Variants in EPHB4 observed in about 807,000 individuals in gnomAD.
EPHB4 encodes ephrin type-B receptor 4.
A neutral mutation model predicts 110.6 loss-of-function variants in EPHB4; 50 were observed. The ratio of observed to expected loss-of-function variants is 0.45; its 90% CI spans 0.36 to 0.57. The LOEUF is 0.57. Ranked by LOEUF, EPHB4 falls within the 20% of genes least tolerant of loss-of-function variation. EPHB4 has a pLI of 0.00. For missense variants in EPHB4, 1,128 were observed against 1,382.1 expected, an observed-to-expected ratio of 0.82 and a Z score of 2.91; for synonymous variants, 592 against 578.4, an observed-to-expected ratio of 1.02 and a Z score of -0.34.
At chr7:100,824,044 G>C (rs899074532) in intron 2 of EPHB4, 113 bp from the exon 3 acceptor site, 7 of 1,514,454 alleles carry the variant, frequency 4.6e-6, no homozygotes, top group Middle Eastern at 4.5e-4. Flanking sequence ...CTGGTACTGC[G>C]AGGAGGGCGC....
chr7:100,820,237 C>T lies in EPHB4; in HGVS notation c.868G>A (p.Ala290Thr). 6.2e-7 allele frequency: 1 copy of T among 1,614,082 alleles called. No individual in the cohort carries two copies. Among genetic ancestry groups the T allele is most frequent in the South Asian group, 1.1e-5 (1 of 91,084 alleles). ...SGEGSCQPCP[A>T]NSHSNTIGSA... ...CCAATGGTGTTAGAGTGGCTATTGGCTGGGCATGGCTGGCAGGACCCTTCT... is the reference window on the plus strand; with the variant it reads ...CCAATGGTGTTAGAGTGGCTATTGGTTGGGCATGGCTGGCAGGACCCTTCT... The change falls in exon 5 of 17, where the codon GCC (alanine) becomes ACC (threonine). Residue 290 changes from alanine (A) to threonine (T), a missense_variant. This residue lies in a region of EPHB4 where 728 missense variants were observed against 828.6 expected (regional missense o/e 0.88). Coordinates refer to ENST00000358173, the MANE Select transcript of EPHB4 (RefSeq NM_004444.5).
intron 6 of EPHB4, 65 bp from the exon 7 acceptor site, chr7:100,818,709 A>AT (rs1253067136): frequency 4.8e-4 from 705 of 1,459,812 alleles, no homozygotes; most frequent in East Asian, 2.0e-3. Context: ...CTTAAAAAAA[A>AT]TTTTTTTTTT....
Position 100,806,640 on chromosome 7 carries a change from C to G in EPHB4, c.2335-71G>C, listed in dbSNP as rs552986260. On this transcript the variant is annotated intron_variant, in intron 13 of 16. Transcript: ENST00000358173. ...CTCACCAGACCCAGCACACTGCCCCCCAGTCCCCCACCTGCCTCTGCTTTT... is the reference window on the plus strand; with the variant it reads ...CTCACCAGACCCAGCACACTGCCCCGCAGTCCCCCACCTGCCTCTGCTTTT... The G allele has an allele frequency of 5.9e-6, 9 of 1,521,636 alleles. No homozygotes were observed. In the East Asian group the frequency reaches 1.6e-4, roughly 27 times the overall value. 94.3% of individuals were successfully genotyped at this position (1,521,636 alleles called of 1,614,324 possible).
chr7:100,812,772 T>C lies in EPHB4; in HGVS notation c.2093A>G (p.Asn698Ser), dbSNP rs369790197. The change falls in exon 12 of 17, where the codon AAC becomes AGC. Residue 698 changes from asparagine to serine, a missense_variant. Physicochemically the swap from Asn to Ser is conservative, Grantham distance 46 (BLOSUM62 1). Around this residue, in one of 3 missense-constraint regions of EPHB4, gnomAD observed 191 missense variants for 313.0 expected, o/e 0.61. Transcript: ENST00000358173. The part of the protein sequence containing the change: ...PVMILTEFME[N>S]GALDSFLRLN... ...CCGCAGGAAGGAGTCCAGGGCGCCG[T>C]TCTCCATGAACTCTGTGAGAATCAT... 1.9e-6 allele frequency: 3 copies of C among 1,613,994 alleles called. No homozygotes were observed. Among genetic ancestry groups the C allele is most frequent in the Non-Finnish European group, 2.5e-6 (3 of 1,180,014 alleles).
intron 8 of EPHB4, 52 bp from the exon 9 acceptor site, chr7:100,814,073 C>A: frequency 6.3e-7 from 1 of 1,592,956 alleles, no homozygotes; most frequent in Non-Finnish European, 8.6e-7. Flanking sequence ...CTGTAGGAGG[C>A]CCCAGCCCCG....
intron 14 of EPHB4, 135 bp downstream of exon 14, chr7:100,806,283 AAG>A: frequency 9.0e-7 from 1 of 1,109,596 alleles, no homozygotes; most frequent in East Asian, 2.7e-5. Context: ...CTTTGATACA[AAG>A]ATCAATTCTC....
At chr7:100,818,067 C>T (rs186813175) in intron 7 of EPHB4, among the ~76,000 whole-genome samples, 184 of 150,694 alleles carry the variant, frequency 1.2e-3, no homozygotes, top group African/African-American at 4.1e-3. Context: ...GGGGTTTCAC[C>T]GTGTTAGCCA....
rs1813256920 is a variant in EPHB4 at position 100,822,381 on chromosome 7, G to A, written c.698C>T (p.Pro233Leu). The change falls in exon 4 of 17, where the codon CCC (proline) becomes CTC (leucine). Residue 233 changes from proline (P) to leucine (L), a missense_variant. Physicochemically the swap from Pro to Leu is moderately conservative, Grantham distance 98. Around this residue, in one of 3 missense-constraint regions of EPHB4, gnomAD observed 728 missense variants for 828.6 expected, o/e 0.88. Transcript: ENST00000358173. This position sits in a 1 kb window ranked among gnomAD's most constrained non-coding sequence, Gnocchi z 4.7. ...CTCACGGCAGTAGAGGCTGGGGCTG[G>A]GGCCAGGGGCGGGGACGGCATCCAC... ...CVVDAVPAPG[P>L]SPSLYCREDG... The A allele has an allele frequency of 6.4e-7, 1 of 1,573,398 alleles. No homozygotes were observed. Among genetic ancestry groups the A allele is most frequent in the Non-Finnish European group, 8.6e-7 (1 of 1,158,494 alleles).
In EPHB4 at chr7:100,820,031, T is replaced by C. The variant is rs185372131; in HGVS notation, c.964+110A>G. ...TGTTCCTCCGGGCTAGGGACAAGCA[T>C]GCCAGGGACAAAGGGAAGAAGCCCA... On this transcript the variant is annotated intron_variant, in intron 5 of 16. Transcript: ENST00000358173. 964 of 1,519,442 alleles carry C rather than the reference T, an allele frequency of 6.3e-4. 1 individual carries two copies. The highest frequency in any genetic ancestry group is 1.8e-3 in the Admixed American group (87 of 48,774). The allele number at this position is 1,519,442 out of a possible 1,614,324, so 94.1% of individuals were successfully genotyped here.
rs781490021 is a variant in EPHB4, at chr7:100,819,816, G to T, written c.1038C>A (p.Pro346=). 48 of 1,561,008 alleles carry T rather than the reference G, an allele frequency of 3.1e-5. No individual in the cohort carries two copies. Among genetic ancestry groups the T allele is most frequent in the Non-Finnish European group, 3.8e-5 (44 of 1,153,000 alleles). Residue 346 remains proline, a synonymous_variant, in exon 6 of 17, where the codon CCC becomes CCA. Coordinates refer to ENST00000358173, the MANE Select transcript of EPHB4 (RefSeq NM_004444.5). ...GGTCCTCTCGGCCACCAGACTCCAG[G>T]GGGGCACTCCATTCCAGGTGCAGGG... ...GSSLHLEWSA[P]LESGGREDLT...
intron 4 of EPHB4, among the ~76,000 whole-genome samples, chr7:100,820,684 C>CCA (rs1296712044): frequency 3.3e-5 from 5 of 152,134 alleles, no homozygotes; most frequent in Non-Finnish European, 7.4e-5. Context: ...CCACAAAATA[C>CCA]ATAGGAATAC....
At chr7:100,807,325 G>C in intron 13 of EPHB4, 40 bp downstream of exon 13, 2 of 1,601,410 alleles carry the variant, frequency 1.2e-6, no homozygotes, top group Non-Finnish European at 1.7e-6. Flanking sequence ...TGCCCACCTG[G>C]CCCTAAGAAG....
chr7:100,812,661 C>T, intron 12 of EPHB4, 86 bp downstream of exon 12: 5 of 1,526,126 alleles, frequency 3.3e-6, no homozygotes, highest in East Asian at 2.3e-5. Flanking sequence ...CTGGGACCCA[C>T]TGTCTGTCCT....
intron 16 of EPHB4, among the ~76,000 whole-genome samples, chr7:100,803,932 C>T (rs192408106): frequency 4.6e-5 from 7 of 152,008 alleles, no homozygotes; most frequent in African/African-American, 1.2e-4. Context: ...AAGAAAAGGC[C>T]GAAGTGGGAG....
At chr7:100,813,268 C>A in intron 10 of EPHB4, 60 bp from the exon 11 acceptor site, 2 of 1,226,340 alleles carry the variant, frequency 1.6e-6, no homozygotes, top group Non-Finnish European at 2.3e-6. Context: ...CTCGGAGGCT[C>A]GGCTCATAGC....
At chr7:100,806,852 T>C (rs1419020655) in intron 13 of EPHB4, among the ~76,000 whole-genome samples, 2 of 152,148 alleles carry the variant, frequency 1.3e-5, no homozygotes, top group African/African-American at 4.8e-5. Flanking sequence ...GTATTTTTAG[T>C]AGCGACAGGG....
Position 100,818,589 on chromosome 7 carries a change from G to A in EPHB4, c.1353C>T (p.Ser451=). Residue 451 remains serine (S), a synonymous_variant, in exon 7 of 17, where the codon AGC becomes AGT. Coordinates refer to ENST00000358173, the MANE Select transcript of EPHB4 (RefSeq NM_004444.5). ...GTGCCCGGGGAACAGCCCAGGCCAG[G>A]CTCAAGCTGCTGGGTGAGGACCGCG... ...RVTRSSPSSL[S]LAWAVPRAPS... is the part of the protein sequence containing the mutation. 1 of 1,613,578 alleles carries A rather than the reference G, an allele frequency of 6.2e-7. No homozygotes were observed. Among genetic ancestry groups the A allele is most frequent in the Non-Finnish European group, 8.5e-7 (1 of 1,180,018 alleles).
chr7:100,826,156 TG>T (rs1813389621), intron 1 of EPHB4, among the ~76,000 whole-genome samples: 1 of 152,216 alleles, frequency 6.6e-6, no homozygotes, highest in Non-Finnish European at 1.5e-5. Flanking sequence ...CTAGGGCTCT[TG>T]GCTCCCCCTT....
intron 1 of EPHB4, among the ~76,000 whole-genome samples, chr7:100,825,923 G>A (rs1332867793): frequency 6.6e-6 from 1 of 152,034 alleles, no homozygotes; most frequent in Non-Finnish European, 1.5e-5. Flanking sequence ...TCCGTTCTCT[G>A]AGCTGGGCAA....
Sources: allele counts gnomAD v4.1 joint callset (sites outside exome capture counted in the v4.1 genomes callset), GRCh38; gene constraint gnomAD v4.1.1; regional missense constraint gnomAD v4.1.1; non-coding constraint Gnocchi (gnomAD v3.1); transcripts MANE v1.5; gene names NCBI Gene and HGNC (gene_info 2026-07-23, HGNC 2026-07-21).